Variants in PTPN14 observed in about 807,000 individuals in gnomAD.
PTPN14 encodes tyrosine-protein phosphatase non-receptor type 14.
In PTPN14, 53 loss-of-function variants were observed where a neutral mutation model predicts 126.8. The ratio of observed to expected loss-of-function variants is 0.42; its 90% CI spans 0.34 to 0.53. The LOEUF (loss-of-function observed/expected upper bound fraction) is 0.53, where lower values mean the gene tolerates loss of function less well. Ranked by LOEUF, PTPN14 falls within the 20% of genes least tolerant of loss-of-function variation. The probability of loss-of-function intolerance (pLI) is 0.08; values close to 1 mark genes in which losing one functional copy is unlikely to be tolerated. For synonymous variants in PTPN14, 630 were observed against 599.3 expected (o/e 1.05, Z -0.75); for missense variants, 1,257 against 1,552.9 (o/e 0.81, Z 3.20).
chr1:214,362,549 C>T (rs1216952656), intron 18 of PTPN14, among the ~76,000 whole-genome samples: 2 of 152,240 alleles, frequency 1.3e-5, no homozygotes, highest in Non-Finnish European at 2.9e-5. Context: ...TCTGCCAGAC[C>T]AGTAACATCT....
Position 214,370,395 on chromosome 1 carries a change from A to C in PTPN14, c.3037-704T>G, listed in dbSNP as rs1484053273. 2.0e-5 allele frequency among the ~76,000 whole-genome samples: 3 copies of C among 152,256 alleles called. No homozygotes were observed. The East Asian group carries it at 5.8e-4, about 29-fold the overall frequency. On this transcript the variant is annotated intron_variant, in intron 16 of 18. Coordinates refer to ENST00000366956, the MANE Select transcript of PTPN14 (RefSeq NM_005401.5). ...GGAAAGGCCTCACAGTCCATGGTGGAAAGTTTGGATTTCATCCCATGGGCA... is the reference window on the plus strand; with the variant it reads ...GGAAAGGCCTCACAGTCCATGGTGGCAAGTTTGGATTTCATCCCATGGGCA...
chr1:214,532,464 C>T, intron 1 of PTPN14: 1 of 834,268 alleles, frequency 1.2e-6, no homozygotes, highest in Non-Finnish European at 2.1e-6. Flanking sequence ...GGCCTCCTAC[C>T]TGGACAGACT....
In PTPN14 at chr1:214,353,225, T is replaced by C. The variant is rs1189327441; in HGVS notation, c.*4697A>G. 1 of 152,250 alleles carries C rather than the reference T, an allele frequency of 6.6e-6. No individual in the cohort carries two copies. Among genetic ancestry groups the C allele is most frequent in the African/African-American group, 2.4e-5 (1 of 41,470 alleles). 9.4% of individuals were successfully genotyped at this position (152,250 alleles called of 1,614,324 possible). ...AGAATCCATGGATGTTCAAGTCTTT[T>C]ATATAAAATAGCACAGTATTTGCAT... On this transcript the variant is annotated 3_prime_UTR_variant, in exon 19 of 19. Coordinates refer to ENST00000366956, the MANE Select transcript of PTPN14 (RefSeq NM_005401.5).
chr1:214,386,794 TG>T, intron 12 of PTPN14, 49 bp downstream of exon 12: 1 of 1,475,966 alleles, frequency 6.8e-7, no homozygotes, highest in Non-Finnish European at 9.4e-7. Flanking sequence ...TACTGCTTAC[TG>T]GTATTCAACT....
rs116700649 is a variant in PTPN14 at position 214,516,384 on chromosome 1, A to G, written c.-155+34799T>C. Among the ~76,000 whole-genome samples the G allele has an allele frequency of 5.1e-3, 782 of 152,350 alleles. 10 individuals carry two copies. The highest frequency in any genetic ancestry group is 0.018 in the African/African-American group (755 of 41,574). ...GCCCTTCAGAGTATCCTTTGCAAGG[A>G]TGGCAGTGACCAGTGAGAGACATTG... On this transcript the variant is annotated intron_variant, in intron 1 of 18. Transcript: ENST00000366956.
At chr1:214,417,640 A>G (rs571540337) in intron 3 of PTPN14, among the ~76,000 whole-genome samples, 1 of 152,312 alleles carries the variant, frequency 6.6e-6, no homozygotes, top group African/African-American at 2.4e-5. Flanking sequence ...AAATTCATGT[A>G]TGAGGAATTT....
In PTPN14 at chr1:214,354,010, T is replaced by G. The variant is rs1393872283; in HGVS notation, c.*3912A>C. ...AATCAGCTGGATGAAAAGGCCAGCCTGCTGTACCCACTGGAGTTTATAACT... is the reference window on the plus strand; with the variant it reads ...AATCAGCTGGATGAAAAGGCCAGCCGGCTGTACCCACTGGAGTTTATAACT... On this transcript the variant is annotated 3_prime_UTR_variant, in exon 19 of 19. Transcript: ENST00000366956. 1 of 152,236 alleles carries G rather than the reference T, an allele frequency of 6.6e-6. No homozygotes were observed. Among genetic ancestry groups the G allele is most frequent in the African/African-American group, 2.4e-5 (1 of 41,450 alleles). The allele number at this position is 152,236 out of a possible 1,614,324, so 9.4% of individuals were successfully genotyped here.
intron 1 of PTPN14, among the ~76,000 whole-genome samples, chr1:214,474,113 T>C (rs959295644): frequency 2.0e-5 from 3 of 152,210 alleles, no homozygotes; most frequent in Non-Finnish European, 4.4e-5. Context: ...TAAATGACCT[T>C]TCAAGCCTTT....
At position 214,377,056 on chromosome 1, in the gene PTPN14, C is replaced by T. The variant is rs574864718; in HGVS notation, c.2689-619G>A. Among the ~76,000 whole-genome samples the T allele has an allele frequency of 9.2e-5, 14 of 152,334 alleles. No individual in the cohort carries two copies. In the South Asian group the frequency reaches 2.9e-3, roughly 32 times the overall value. On this transcript the variant is annotated intron_variant, in intron 14 of 18. Transcript: ENST00000366956. ...CGGGAACTAAGGATCCACCTTTCTT[C>T]GCTTCTGAAACACTACCATGCAGCT...
At chr1:214,377,750 C>A (rs1423781081) in intron 14 of PTPN14, among the ~76,000 whole-genome samples, 1 of 152,034 alleles carries the variant, frequency 6.6e-6, no homozygotes, top group Non-Finnish European at 1.5e-5. Context: ...GATCTGCCAA[C>A]CGGACAAAGC....
At chr1:214,432,646 T>C (rs1307865440) in intron 3 of PTPN14, among the ~76,000 whole-genome samples, 2 of 152,198 alleles carry the variant, frequency 1.3e-5, no homozygotes, top group South Asian at 2.1e-4. Flanking sequence ...GAATGATCTC[T>C]ATACACAACA....
chr1:214,441,599 T>C (rs140101419), intron 3 of PTPN14, among the ~76,000 whole-genome samples: 42 of 152,356 alleles, frequency 2.8e-4, no homozygotes, highest in African/African-American at 8.9e-4. Flanking sequence ...AAATCCATTT[T>C]TGAAATTGAC....
chr1:214,398,669 G>C lies in PTPN14; in HGVS notation c.670-668C>G, dbSNP rs140808399. ...GGGTCTTGCTATGCTGCCCAGGCTA[G>C]TGATCCTCCATCCTCGGCCTCCCAA... is the stretch of plus-strand genomic sequence containing the variant. On this transcript the variant is annotated intron_variant, in intron 7 of 18. Coordinates refer to ENST00000366956, the MANE Select transcript of PTPN14 (RefSeq NM_005401.5). 5.2e-3 allele frequency among the ~76,000 whole-genome samples: 732 copies of C among 140,194 alleles called. 4 individuals carry two copies. Among genetic ancestry groups the C allele is most frequent in the African/African-American group, 0.019 (689 of 37,234 alleles). 92.0% of individuals were successfully genotyped at this position (140,194 alleles called of 152,430 possible). A position where few individuals can be genotyped will look rare whatever the true frequency, so the allele number is the denominator to read the frequency against.
At chr1:214,400,634 T>C (rs1362011619) in intron 7 of PTPN14, among the ~76,000 whole-genome samples, 3 of 152,122 alleles carry the variant, frequency 2.0e-5, no homozygotes, top group African/African-American at 7.2e-5. Context: ...AGAGAAAAGT[T>C]TACTCTGATT....
chr1:214,434,117 G>A (rs928658701), intron 3 of PTPN14, among the ~76,000 whole-genome samples: 1 of 152,010 alleles, frequency 6.6e-6, no homozygotes, highest in Non-Finnish European at 1.5e-5. Flanking sequence ...GGGCAACAGA[G>A]TAAGACCCTG....
At chr1:214,367,947 T>C (rs536340454) in intron 17 of PTPN14, among the ~76,000 whole-genome samples, 1 of 152,198 alleles carries the variant, frequency 6.6e-6, no homozygotes, top group Admixed American at 6.5e-5. Flanking sequence ...CAAATAAAAA[T>C]ACTGCACATA....
chr1:214,488,990 A>G (rs7528679), intron 1 of PTPN14, among the ~76,000 whole-genome samples: 139,244 of 152,252 alleles, frequency 0.91, 63,788 homozygotes, highest in African/African-American at 0.97. Flanking sequence ...CAGAATTTCC[A>G]CTAGTTCATG....
intron 3 of PTPN14, among the ~76,000 whole-genome samples, chr1:214,440,097 C>T (rs1158870662): frequency 6.6e-6 from 1 of 152,188 alleles, no homozygotes. Context: ...TATGGGCTCT[C>T]CCATGTCAGC....
intron 4 of PTPN14, among the ~76,000 whole-genome samples, chr1:214,414,300 G>A (rs1191934579): frequency 6.6e-6 from 1 of 152,160 alleles, no homozygotes; most frequent in Non-Finnish European, 1.5e-5. Context: ...TACAGAATAT[G>A]ACCACATTGT....
Sources: gnomAD v4.1 joint callset for allele counts (sites outside exome capture counted in the v4.1 genomes callset) on GRCh38, gnomAD v4.1.1 for gene constraint, MANE v1.5 for transcripts, NCBI Gene and HGNC (gene_info 2026-07-23, HGNC 2026-07-21) for gene names.